The following ARPC5 variants were observed in gnomAD, a reference collection of about 807,000 sequenced individuals.
The protein encoded by ARPC5 is actin-related protein 2/3 complex subunit 5.
Under a neutral mutation model 15.4 loss-of-function variants are expected in ARPC5, and 5 were observed. The observed-to-expected ratio is 0.32, with a 90% CI of 0.17 to 0.68. The LOEUF (loss-of-function observed/expected upper bound fraction) is 0.68. ARPC5 is among the 30% of genes least tolerant of loss of function. ARPC5 has a pLI of 0.71. For synonymous variants in ARPC5, 85 were observed against 72.2 expected, an observed-to-expected ratio of 1.18 and a Z score of -0.90; for missense variants, 138 against 192.8, an observed-to-expected ratio of 0.72 and a Z score of 1.68.
chr1:183,628,756 A>G (rs910329766), intron 3 of ARPC5, among the ~76,000 whole-genome samples: 2 of 152,230 alleles, frequency 1.3e-5, no homozygotes, highest in Non-Finnish European at 2.9e-5. Context: ...GAAAATCATG[A>G]GCAAATGTAT....
At position 183,621,086 on chromosome 1, in the gene ARPC5, A is replaced by C. The variant is rs1210965361; in HGVS notation, c.*6446T>G. 1 of 152,238 alleles carries C rather than the reference A, an allele frequency of 6.6e-6. No homozygotes were observed. The highest frequency in any genetic ancestry group is 2.4e-5 in the African/African-American group (1 of 41,464). The allele number at this position is 152,238 out of a possible 1,614,324, so 9.4% of individuals were successfully genotyped here. A position where few individuals can be genotyped will look rare whatever the true frequency, so the allele number is the denominator to read the frequency against. On this transcript the variant is annotated 3_prime_UTR_variant, in exon 4 of 4. Coordinates refer to ENST00000359856, the MANE Select transcript of ARPC5 (RefSeq NM_005717.4). ...ATTAAGAGAAATGCAAATATATGATACCATTTTTAAAACATCAGATTTGAA... is the reference window on the plus strand; with the variant it reads ...ATTAAGAGAAATGCAAATATATGATCCCATTTTTAAAACATCAGATTTGAA...
intron 1 of ARPC5, among the ~76,000 whole-genome samples, chr1:183,635,181 C>T (rs903039009): frequency 7.9e-5 from 12 of 152,246 alleles, no homozygotes; most frequent in Non-Finnish European, 1.6e-4. Context: ...CCAGCCGGGG[C>T]CGCCTTCCCC....
Position 183,623,369 on chromosome 1 carries a change from G to A in ARPC5, c.*4163C>T, listed in dbSNP as rs575405075. ...CTGTGTCCCATGTTGCTTGTGGTTG[G>A]ATCATCAATGTGGTGAAGTAGCACC... On this transcript the variant is annotated 3_prime_UTR_variant, in exon 4 of 4. Coordinates refer to ENST00000359856, the MANE Select transcript of ARPC5 (RefSeq NM_005717.4). 377 of 1,528,214 alleles carry A rather than the reference G, an allele frequency of 2.5e-4. 1 individual carries two copies. In the African/African-American group the frequency reaches 4.9e-3, roughly 20 times the overall value. The allele number at this position is 1,528,214 out of a possible 1,614,324, so 94.7% of individuals were successfully genotyped here. A position where few individuals can be genotyped will look rare whatever the true frequency, so the allele number is the denominator to read the frequency against.
chr1:183,629,603 A>G (rs1474536818), intron 3 of ARPC5, among the ~76,000 whole-genome samples: 1 of 152,232 alleles, frequency 6.6e-6, no homozygotes, highest in Non-Finnish European at 1.5e-5. Context: ...AAAATCACTT[A>G]TACTCTTTTG....
At chr1:183,628,028 C>T (rs1336346798) in intron 3 of ARPC5, among the ~76,000 whole-genome samples, 1 of 151,940 alleles carries the variant, frequency 6.6e-6, no homozygotes, top group Non-Finnish European at 1.5e-5. Flanking sequence ...AAAAAATTAG[C>T]CGGGCGTGGT....
Position 183,635,645 on chromosome 1 carries a change from T to A in ARPC5, c.15A>T (p.Thr5=). 1 of 1,612,838 alleles carries A rather than the reference T, an allele frequency of 6.2e-7. No homozygotes were observed. The stretch of plus-strand genomic sequence containing the variant: ...CCTTCCGGAAGCGGGCCGACGACAC[T>A]GTGTTCTTCGACATCCCAATCCCGA... MSKN[T]VSSARFRKVD... The change falls in exon 1 of 4, where the codon ACA becomes ACT. Residue 5 remains threonine, a synonymous_variant. Coordinates refer to ENST00000359856, the MANE Select transcript of ARPC5 (RefSeq NM_005717.4).
In ARPC5 at chr1:183,635,470, C is replaced by CGGGCT. The variant is rs769611623; in HGVS notation, c.143+42_143+46dup. On this transcript the variant is annotated intron_variant, in intron 1 of 3. Transcript: ENST00000359856. Reference sequence around the variant, plus strand: ...AGGCTCCCGGGTCCCAGGAGAAGGGCGGGCTGGGCTGGGCTGGGGTGGGGA... The same window carrying CGGGCT: ...AGGCTCCCGGGTCCCAGGAGAAGGGCGGGCTGGGCTGGGCTGGGCTGGGGTGGGGA... 2,721 of 836,830 alleles carry CGGGCT rather than the reference C, an allele frequency of 3.3e-3. 7 individuals are homozygous for CGGGCT. The highest frequency in any genetic ancestry group is 4.5e-3 in the Non-Finnish European group (2,613 of 579,780). The allele number at this position is 836,830 out of a possible 1,614,324, so 51.8% of individuals were successfully genotyped here. A position where few individuals can be genotyped will look rare whatever the true frequency, so the allele number is the denominator to read the frequency against.
Position 183,623,772 on chromosome 1 carries a change from C to T in ARPC5, c.*3760G>A. ...GGCGCGGTGGTCACGCCTGTAATCCCAGTGCTTTGGGAGGCGGAGGAGGGT... is the reference window on the plus strand; with the variant it reads ...GGCGCGGTGGTCACGCCTGTAATCCTAGTGCTTTGGGAGGCGGAGGAGGGT... On this transcript the variant is annotated 3_prime_UTR_variant, in exon 4 of 4. Transcript: ENST00000359856. The T allele has an allele frequency of 2.4e-6, 1 of 413,254 alleles. No homozygotes were observed. The highest frequency in any genetic ancestry group is 3.8e-5 in the Admixed American group (1 of 26,044). 25.6% of individuals were successfully genotyped at this position (413,254 alleles called of 1,614,324 possible).
chr1:183,633,335 T>C (rs939289092), intron 1 of ARPC5, 181 bp from the exon 2 acceptor site: 6 of 464,524 alleles, frequency 1.3e-5, no homozygotes, highest in Non-Finnish European at 2.3e-5. Flanking sequence ...AAAAGCAAAA[T>C]AGAACATTAG....
chr1:183,622,672 G>C lies in ARPC5; in HGVS notation c.*4860C>G, dbSNP rs1648971456. Reference sequence around the variant, plus strand: ...ACTCCCATAGTGCCACTGTTAGCCAGATATGAGCTGGAATTCTGTTCCTCA... The same window carrying C: ...ACTCCCATAGTGCCACTGTTAGCCACATATGAGCTGGAATTCTGTTCCTCA... On this transcript the variant is annotated 3_prime_UTR_variant, in exon 4 of 4. Transcript: ENST00000359856. 6.6e-6 allele frequency: 1 copy of C among 152,250 alleles called. No homozygotes were observed. Among genetic ancestry groups the C allele is most frequent in the Non-Finnish European group, 1.5e-5 (1 of 68,060 alleles). The allele number at this position is 152,250 out of a possible 1,614,324, so 9.4% of individuals were successfully genotyped here. A position where few individuals can be genotyped will look rare whatever the true frequency, so the allele number is the denominator to read the frequency against.
intron 1 of ARPC5, among the ~76,000 whole-genome samples, chr1:183,634,628 AACTG>A (rs1558123524): frequency 6.6e-6 from 1 of 152,246 alleles, no homozygotes; most frequent in Admixed American, 6.5e-5. Flanking sequence ...AGAAACCGGG[AACTG>A]ACTGCCATAT....
At chr1:183,627,733 A>G (rs546527556) in intron 3 of ARPC5, 139 bp from the exon 4 acceptor site, 3 of 711,734 alleles carry the variant, frequency 4.2e-6, no homozygotes, top group Non-Finnish European at 7.5e-6. Flanking sequence ...TAAATTCTTG[A>G]GCACCAATTA....
At chr1:183,628,639 C>T (rs954417863) in intron 3 of ARPC5, among the ~76,000 whole-genome samples, 1 of 152,012 alleles carries the variant, frequency 6.6e-6, no homozygotes, top group African/African-American at 2.4e-5. Context: ...ATTAAAGCAC[C>T]AGGGAGAGGC....
Position 183,635,558 on chromosome 1 carries a change from C to G in ARPC5, c.102G>C (p.Gln34His), listed in dbSNP as rs1465488703. The change falls in exon 1 of 4, where the codon CAG (glutamine) becomes CAC (histidine). Residue 34 changes from glutamine (Q) to histidine (H), a missense_variant. Around this residue, in one of 3 missense-constraint regions of ARPC5, gnomAD observed 121 missense variants for 153.7 expected, o/e 0.79. Transcript: ENST00000359856. The stretch of plus-strand genomic sequence containing the variant: ...CCACCTCGCCCTCGTCGGGCCCGGC[C>G]TGGCCGTCGCCCCCATCTTCTTCGT... Reference protein sequence around the residue: ...FVDEEDGGDGQAGPDEGEVDS... With the variant: ...FVDEEDGGDGHAGPDEGEVDS... 6.2e-7 allele frequency: 1 copy of G among 1,613,278 alleles called. No individual in the cohort carries two copies. Among genetic ancestry groups the G allele is most frequent in the Non-Finnish European group, 8.5e-7 (1 of 1,179,858 alleles).
intron 1 of ARPC5, among the ~76,000 whole-genome samples, chr1:183,635,269 G>T (rs971819902): frequency 1.3e-4 from 20 of 152,358 alleles, no homozygotes; most frequent in Non-Finnish European, 2.8e-4. Context: ...GAATCTGGGG[G>T]CGTGGAAGGC....
At position 183,625,342 on chromosome 1, in the gene ARPC5, A is replaced by AT. The variant is rs1649066426; in HGVS notation, c.*2189dup. 1.3e-5 allele frequency: 2 copies of AT among 152,220 alleles called. No homozygotes were observed. Among genetic ancestry groups the AT allele is most frequent in the South Asian group, 4.1e-4 (2 of 4,832 alleles). The allele number at this position is 152,220 out of a possible 1,614,324, so 9.4% of individuals were successfully genotyped here. A position where few individuals can be genotyped will look rare whatever the true frequency, so the allele number is the denominator to read the frequency against. ...CTCTATATTATACTACTTGTTAAAT[A>AT]TTTTTAGTATCTCCCCTCAGTAAAG... On this transcript the variant is annotated 3_prime_UTR_variant, in exon 4 of 4. Coordinates refer to ENST00000359856, the MANE Select transcript of ARPC5 (RefSeq NM_005717.4).
chr1:183,625,560 G>C lies in ARPC5; in HGVS notation c.*1972C>G, dbSNP rs1649072943. 1 of 152,188 alleles carries C rather than the reference G, an allele frequency of 6.6e-6. No individual in the cohort carries two copies. Among genetic ancestry groups the C allele is most frequent in the African/African-American group, 2.4e-5 (1 of 41,430 alleles). 9.4% of individuals were successfully genotyped at this position (152,188 alleles called of 1,614,324 possible). On this transcript the variant is annotated 3_prime_UTR_variant, in exon 4 of 4. Transcript: ENST00000359856. Reference sequence around the variant, plus strand: ...ACTTGACTACCTCTAATACCTATTGGCTAAGGCACAGTGGCATGTGCCTGT... The same window carrying C: ...ACTTGACTACCTCTAATACCTATTGCCTAAGGCACAGTGGCATGTGCCTGT...
intron 3 of ARPC5, among the ~76,000 whole-genome samples, chr1:183,628,172 CAAAAAAAAAAAAA>C (rs3068220): frequency 0.21 from 9,668 of 46,336 alleles, 766 homozygotes; most frequent in African/African-American, 0.37. Context: ...GACTCCGTCT[CAAAAAAAAAAAAA>C]AAAAAAAAAA....
At chr1:183,634,411 T>C (rs2101959162) in intron 1 of ARPC5, among the ~76,000 whole-genome samples, 1 of 152,360 alleles carries the variant, frequency 6.6e-6, no homozygotes. Flanking sequence ...CCATTAAATA[T>C]TTTCACTCTC....
Sources: allele counts gnomAD v4.1 joint callset (sites outside exome capture counted in the v4.1 genomes callset), GRCh38; gene constraint gnomAD v4.1.1; regional missense constraint gnomAD v4.1.1; transcripts MANE v1.5; gene names NCBI Gene and HGNC (gene_info 2026-07-23, HGNC 2026-07-21).